Variants in PPP6R3 observed in about 807,000 individuals in gnomAD.
PPP6R3 encodes protein phosphatase 6 regulatory subunit 3.
PPP6R3 carries 38 observed loss-of-function variants against 110.7 expected under a neutral mutation model. The ratio of observed to expected loss-of-function variants is 0.34; its 90% CI spans 0.26 to 0.45. The LOEUF (loss-of-function observed/expected upper bound fraction) is 0.45, where lower values mean the gene tolerates loss of function less well. PPP6R3 is among the 20% of genes least tolerant of loss of function. The probability of loss-of-function intolerance (pLI) is 1.00; values close to 1 mark genes in which losing one functional copy is unlikely to be tolerated. For synonymous variants in PPP6R3, 369 were observed against 373.5 expected (o/e 0.99, Z 0.14); for missense variants, 870 against 1,062.4 (o/e 0.82, Z 2.52).
At chr11:68,586,431 C>A (rs944309853) in intron 15 of PPP6R3, 1 of 152,474 alleles carries the variant, frequency 6.6e-6, no homozygotes, top group Non-Finnish European at 1.5e-5. Context: ...GCCAGACCCC[C>A]GTGCTCAGCC....
At chr11:68,590,557 G>T in intron 16 of PPP6R3, 103 bp from the exon 17 acceptor site, 1 of 1,225,014 alleles carries the variant, frequency 8.2e-7, no homozygotes. Flanking sequence ...TAGAGATTTT[G>T]ATGATAGTGT....
chr11:68,488,889 G>A (rs2098965762), intron 1 of PPP6R3: 1 of 152,136 alleles, frequency 6.6e-6, no homozygotes, highest in East Asian at 1.9e-4. Flanking sequence ...ACAACATATA[G>A]TTGGGTCTTA....
At chr11:68,574,326 G>T (rs1480941088) in intron 13 of PPP6R3, 102 bp downstream of exon 13, 1 of 870,926 alleles carries the variant, frequency 1.1e-6, no homozygotes, top group Non-Finnish European at 1.8e-6. Context: ...TGATTTGTGG[G>T]ACTTCTTTAT....
intron 15 of PPP6R3, chr11:68,587,176 A>AT (rs1491559855): frequency 5.9e-5 from 4 of 68,356 alleles, no homozygotes; most frequent in Non-Finnish European, 9.6e-5. Context: ...CCATTATAAC[A>AT]CCCCCCCCCC....
intron 8 of PPP6R3, among the ~76,000 whole-genome samples, chr11:68,561,318 T>G (rs1222429659): frequency 6.6e-6 from 1 of 152,224 alleles, no homozygotes; most frequent in Non-Finnish European, 1.5e-5. Flanking sequence ...CAGGCTGGCC[T>G]TGAACACCTG....
At chr11:68,591,458 G>A in intron 17 of PPP6R3, 118 bp from the exon 18 acceptor site, 2 of 907,232 alleles carry the variant, frequency 2.2e-6, no homozygotes, top group Non-Finnish European at 3.2e-6. Context: ...TTTGGTGTAT[G>A]TGATAGGCAC....
chr11:68,478,820 G>C (rs529877016), intron 1 of PPP6R3, among the ~76,000 whole-genome samples: 1 of 151,858 alleles, frequency 6.6e-6, no homozygotes, highest in East Asian at 1.9e-4. Flanking sequence ...ACCATGCCCA[G>C]TTAAGTTTTA....
chr11:68,529,061 TTGAG>T (rs2099219840), intron 2 of PPP6R3, among the ~76,000 whole-genome samples: 1 of 152,190 alleles, frequency 6.6e-6, no homozygotes, highest in Non-Finnish European at 1.5e-5. Flanking sequence ...TTTCTAGAGG[TTGAG>T]TGAGAATTCT....
In PPP6R3 at chr11:68,508,121, C is replaced by CTTTTTTTTTTT. The variant is rs748376581; in HGVS notation, c.-157-11365_-157-11355dup. Among the ~76,000 whole-genome samples the CTTTTTTTTTTT allele has an allele frequency of 2.9e-3, 223 of 77,610 alleles. 13 individuals carry two copies. Among genetic ancestry groups the CTTTTTTTTTTT allele is most frequent in the African/African-American group, 0.013 (210 of 16,430 alleles). 50.9% of individuals were successfully genotyped at this position (77,610 alleles called of 152,430 possible). A position where few individuals can be genotyped will look rare whatever the true frequency, so the allele number is the denominator to read the frequency against. On this transcript the variant is annotated intron_variant, in intron 1 of 23. Coordinates refer to ENST00000393800, the MANE Select transcript of PPP6R3 (RefSeq NM_001164161.2). ...CCCCGGCCTAAGTGAGTTTTTTGGC[C>CTTTTTTTTTTT]TTTTTTTTTTTTTTTTTTTTTTTTT...
chr11:68,593,905 C>G (rs1435341986), intron 18 of PPP6R3, among the ~76,000 whole-genome samples: 1 of 151,558 alleles, frequency 6.6e-6, no homozygotes, highest in Non-Finnish European at 1.5e-5. Context: ...TGCTGTGAGG[C>G]GAAGCAGGAG....
At chr11:68,560,630 A>C (rs1223663115) in intron 8 of PPP6R3, among the ~76,000 whole-genome samples, 1 of 152,218 alleles carries the variant, frequency 6.6e-6, no homozygotes, top group Non-Finnish European at 1.5e-5. Flanking sequence ...CCAAAGATGG[A>C]AGAACTCTGT....
intron 1 of PPP6R3, among the ~76,000 whole-genome samples, chr11:68,462,495 GT>G (rs1174697244): frequency 6.6e-6 from 1 of 152,058 alleles, no homozygotes; most frequent in Non-Finnish European, 1.5e-5. Flanking sequence ...TTGGATACTA[GT>G]TTCTGGGTGA....
chr11:68,613,331 C>T lies in PPP6R3; in HGVS notation c.*214C>T, dbSNP rs1196970214. 11 of 1,326,812 alleles carry T rather than the reference C, an allele frequency of 8.3e-6. No homozygotes were observed. The Admixed American group carries it at 1.5e-4, about 18-fold the overall frequency. 82.2% of individuals were successfully genotyped at this position (1,326,812 alleles called of 1,614,324 possible). A position where few individuals can be genotyped will look rare whatever the true frequency, so the allele number is the denominator to read the frequency against. On this transcript the variant is annotated 3_prime_UTR_variant, in exon 24 of 24. Transcript: ENST00000393800. ...CATTGACAAATACCAAGAATTTTTG[C>T]GTATGTTTATATTGTATTGTTCTAA... is the stretch of plus-strand genomic sequence containing the variant.
chr11:68,570,676 A>C (rs888739939), intron 11 of PPP6R3, among the ~76,000 whole-genome samples: 1 of 152,222 alleles, frequency 6.6e-6, no homozygotes, highest in Non-Finnish European at 1.5e-5. Flanking sequence ...TCTAAGTTAA[A>C]TTTTTGCCAA....
chr11:68,587,634 A>G, intron 15 of PPP6R3: 1 of 445,610 alleles, frequency 2.2e-6, no homozygotes, highest in East Asian at 4.8e-5. Context: ...ACTTTAAACT[A>G]GGCTTAATCC....
chr11:68,540,550 C>A (rs373154044), intron 3 of PPP6R3, among the ~76,000 whole-genome samples: 11 of 152,234 alleles, frequency 7.2e-5, no homozygotes, highest in African/African-American at 2.4e-4. Flanking sequence ...AACATCTTAT[C>A]AGGAGACAGG....
At chr11:68,575,922 TG>T in intron 13 of PPP6R3, 35 bp from the exon 14 acceptor site, 1 of 1,467,058 alleles carries the variant, frequency 6.8e-7, no homozygotes. Flanking sequence ...GAGGTCATTG[TG>T]GTGATAATGC....
intron 1 of PPP6R3, among the ~76,000 whole-genome samples, chr11:68,464,138 TATTA>T: frequency 6.6e-6 from 1 of 152,168 alleles, no homozygotes; most frequent in African/African-American, 2.4e-5. Flanking sequence ...TTGAGAATCT[TATTA>T]ATTTTTTTTG....
At chr11:68,568,067 A>G (rs1464568854) in intron 10 of PPP6R3, among the ~76,000 whole-genome samples, 2 of 152,056 alleles carry the variant, frequency 1.3e-5, no homozygotes, top group Non-Finnish European at 2.9e-5. Flanking sequence ...TTTATCAACC[A>G]CATCATTGTG....
Sources: gnomAD v4.1 joint callset for allele counts (sites outside exome capture counted in the v4.1 genomes callset) on GRCh38, gnomAD v4.1.1 for gene constraint, MANE v1.5 for transcripts, NCBI Gene and HGNC (gene_info 2026-07-23, HGNC 2026-07-21) for gene names.